GYS2: variants seen among roughly 807,000 people sequenced by gnomAD.
The protein encoded by GYS2 is glycogen synthase 2, also known as glycogen [starch] synthase, liver.
Under a neutral mutation model 85.6 loss-of-function variants are expected in GYS2, and 80 were observed. That is an observed-to-expected ratio of 0.93 (90% CI 0.78 to 1.13). The LOEUF (loss-of-function observed/expected upper bound fraction) is 1.13, where lower values mean the gene tolerates loss of function less well. Ranked by LOEUF, GYS2 falls within the 50% of genes most tolerant of loss-of-function variation. GYS2 has a pLI of 0.00. For synonymous variants in GYS2, 328 were observed against 300.7 expected (o/e 1.09, Z -0.94); for missense variants, 881 against 854.9 (o/e 1.03, Z -0.38).
At chr12:21,562,866 GA>G in intron 7 of GYS2, 51 bp downstream of exon 7, 1 of 1,603,994 alleles carries the variant, frequency 6.2e-7, no homozygotes, top group African/African-American at 1.3e-5. Flanking sequence ...ACTTCCCACA[GA>G]AGAAAGTTCT....
chr12:21,542,291 C>G (rs1943986481), intron 13 of GYS2, among the ~76,000 whole-genome samples: 1 of 152,186 alleles, frequency 6.6e-6, no homozygotes, highest in Non-Finnish European at 1.5e-5. Context: ...CTCAAGTGAT[C>G]CACCCACCTC....
chr12:21,595,232 T>C (rs1006356699), intron 1 of GYS2, among the ~76,000 whole-genome samples: 2 of 152,178 alleles, frequency 1.3e-5, no homozygotes, highest in Non-Finnish European at 2.9e-5. Context: ...GAATTTTAGC[T>C]GCAGATAGAC....
chr12:21,596,048 G>T (rs886352993), intron 1 of GYS2, among the ~76,000 whole-genome samples: 1 of 152,086 alleles, frequency 6.6e-6, no homozygotes, highest in African/African-American at 2.4e-5. Context: ...GATAGGCCAT[G>T]AAATGAGCCT....
chr12:21,555,253 AG>A (rs560440100), intron 11 of GYS2, among the ~76,000 whole-genome samples: 2 of 152,294 alleles, frequency 1.3e-5, no homozygotes, highest in East Asian at 3.9e-4. Flanking sequence ...TCTGCAATGA[AG>A]TATAAGTCTC....
At position 21,568,994 on chromosome 12, in the gene GYS2, C is replaced by G. The variant is rs146467702; in HGVS notation, c.694G>C (p.Glu232Gln). 6.2e-7 allele frequency: 1 copy of G among 1,614,026 alleles called. No individual in the cohort carries two copies. The highest frequency in any genetic ancestry group is 8.5e-7 in the Non-Finnish European group (1 of 1,180,004). ...TGGTAAATCTGCCTTTCCCCAGCCT[C>G]TTTGTCAATGTTAAACTGTTAGAAA... is the stretch of plus-strand genomic sequence containing the variant. Reference protein sequence around the residue: ...NHLDKFNIDKEAGERQIYHRY... With the variant: ...NHLDKFNIDKQAGERQIYHRY... The change falls in exon 5 of 16, where the codon GAG becomes CAG. Residue 232 changes from glutamate (E) to glutamine (Q), a missense_variant. Physicochemically the swap from Glu to Gln is conservative, Grantham distance 29 (BLOSUM62 2). Coordinates refer to ENST00000261195, the MANE Select transcript of GYS2 (RefSeq NM_021957.4).
intron 10 of GYS2, 60 bp downstream of exon 10, chr12:21,559,031 A>C (rs533457905): frequency 4.7e-5 from 46 of 984,294 alleles, no homozygotes; most frequent in Non-Finnish European, 7.1e-5. Flanking sequence ...ATAAATTAAA[A>C]TACTGATTAG....
Position 21,568,810 on chromosome 12 carries a change from C to T in GYS2, c.823+55G>A, listed in dbSNP as rs917540469. 5.3e-6 allele frequency: 8 copies of T among 1,500,982 alleles called. No homozygotes were observed. The African/African-American group carries it at 9.6e-5, about 18-fold the overall frequency. 93.0% of individuals were successfully genotyped at this position (1,500,982 alleles called of 1,614,324 possible). On this transcript the variant is annotated intron_variant, in intron 5 of 15. Transcript: ENST00000261195. The stretch of plus-strand genomic sequence containing the variant: ...ACTTCACGATGGAAAACAAAATCCT[C>T]ATAGTGTAACATCATTCGGAACTGA...
At chr12:21,533,890 G>A (rs538585746), downstream of GYS2, among the ~76,000 whole-genome samples, 5 of 152,290 alleles carry the variant, frequency 3.3e-5, no homozygotes, top group Admixed American at 3.3e-4. Context: ...ATCAGTGTCT[G>A]GTAGAAGGCC....
rs1943910195 is a variant in GYS2 at position 21,536,334 on chromosome 12, C to A, written c.*620G>T. ...GGTGGTACCATGTACATGGTAATATCTTGCATTAATTACAACATCAATTCT... is the reference window on the plus strand; with the variant it reads ...GGTGGTACCATGTACATGGTAATATATTGCATTAATTACAACATCAATTCT... On this transcript the variant is annotated 3_prime_UTR_variant, in exon 16 of 16. Transcript: ENST00000261195. 1 of 153,782 alleles carries A rather than the reference C, an allele frequency of 6.5e-6. No homozygotes were observed. The highest frequency in any genetic ancestry group is 6.4e-5 in the Admixed American group (1 of 15,510). 9.5% of individuals were successfully genotyped at this position (153,782 alleles called of 1,614,324 possible).
At chr12:21,538,746 A>G (rs1943938520) in intron 15 of GYS2, among the ~76,000 whole-genome samples, 1 of 152,158 alleles carries the variant, frequency 6.6e-6, no homozygotes, top group South Asian at 2.1e-4. Flanking sequence ...CTGCTAAGTG[A>G]ATCTGATGAC....
rs1944226095 is a variant in GYS2, at chr12:21,559,576, T to C, written c.1229+75A>G. 7 of 842,224 alleles carry C rather than the reference T, an allele frequency of 8.3e-6. No individual in the cohort carries two copies. The Admixed American group carries it at 1.3e-4, about 15-fold the overall frequency. 52.2% of individuals were successfully genotyped at this position (842,224 alleles called of 1,614,324 possible). A position where few individuals can be genotyped will look rare whatever the true frequency, so the allele number is the denominator to read the frequency against. On this transcript the variant is annotated intron_variant, in intron 9 of 15. Coordinates refer to ENST00000261195, the MANE Select transcript of GYS2 (RefSeq NM_021957.4). ...TGATATTTGGAACAAAATTAATAAG[T>C]TATGATGTCTAAATTGTTAAATTTG...
intron 1 of GYS2, among the ~76,000 whole-genome samples, chr12:21,590,356 G>C (rs968828590): frequency 6.6e-6 from 1 of 152,198 alleles, no homozygotes; most frequent in African/African-American, 2.4e-5. Flanking sequence ...GGAACCCAGA[G>C]ACAGCCTTGT....
intron 8 of GYS2, 25 bp from the exon 9 acceptor site, chr12:21,559,735 A>G (rs369568300): frequency 4.1e-5 from 58 of 1,430,408 alleles, no homozygotes; most frequent in Non-Finnish European, 5.3e-5. Flanking sequence ...AAGATTTATC[A>G]TTTAAACAGT....
chr12:21,559,786 G>T (rs1171616421), intron 8 of GYS2, 76 bp from the exon 9 acceptor site: 1 of 942,480 alleles, frequency 1.1e-6, no homozygotes. Context: ...TAATGCTATT[G>T]TTTTGTTGAC....
At chr12:21,588,573 A>G (rs987845253) in intron 1 of GYS2, among the ~76,000 whole-genome samples, 1 of 152,202 alleles carries the variant, frequency 6.6e-6, no homozygotes, top group African/African-American at 2.4e-5. Flanking sequence ...TTTAAGGAAA[A>G]GTTTTTTACT....
At chr12:21,569,925 G>T (rs1483767290) in intron 4 of GYS2, among the ~76,000 whole-genome samples, 2 of 152,096 alleles carry the variant, frequency 1.3e-5, no homozygotes, top group African/African-American at 4.8e-5. Flanking sequence ...CTTGTCGAAG[G>T]TCACATTGCT....
At position 21,542,533 on chromosome 12, in the gene GYS2, A is replaced by T. The variant is rs1455412466; in HGVS notation, c.1608T>A (p.Cys536Ter). 6.2e-7 allele frequency: 1 copy of T among 1,613,700 alleles called. No homozygotes were observed. The highest frequency in any genetic ancestry group is 1.3e-5 in the African/African-American group (1 of 74,924). The change falls in exon 13 of 16, where the codon TGT becomes TGA. Residue 536 changes from cysteine to a stop codon, truncating the protein, a stop_gained. Coordinates refer to ENST00000261195, the MANE Select transcript of GYS2 (RefSeq NM_021957.4). LOFTEE classifies it high-confidence loss of function. ...GATCAGCCACGTGCTCCTGCATGAA[A>T]CAGCCAAACCCGGAGAGATTCGTGG... is the stretch of plus-strand genomic sequence containing the variant. ...SVTTNLSGFG[C>*]FMQEHVADPT...
intron 3 of GYS2, among the ~76,000 whole-genome samples, chr12:21,574,634 T>C (rs982450517): frequency 6.6e-6 from 1 of 152,088 alleles, no homozygotes; most frequent in African/African-American, 2.4e-5. Flanking sequence ...AAATGCAAAG[T>C]AGGCACTCAA....
At chr12:21,589,955 C>A (rs573586159) in intron 1 of GYS2, among the ~76,000 whole-genome samples, 20 of 152,236 alleles carry the variant, frequency 1.3e-4, no homozygotes, top group African/African-American at 4.8e-4. Flanking sequence ...CATCCCCCAC[C>A]CACAGCTGAG....
Sources: allele counts gnomAD v4.1 joint callset (sites outside exome capture counted in the v4.1 genomes callset), GRCh38; gene constraint gnomAD v4.1.1; transcripts MANE v1.5; gene names NCBI Gene and HGNC (gene_info 2026-07-23, HGNC 2026-07-21).